PTPRR: variants seen among roughly 807,000 people sequenced by gnomAD.
The protein encoded by PTPRR is receptor-type tyrosine-protein phosphatase R.
A neutral mutation model predicts 77.2 loss-of-function variants in PTPRR; 38 were observed. The ratio of observed to expected loss-of-function variants is 0.49; its 90% CI spans 0.38 to 0.65. PTPRR has a LOEUF of 0.65. PTPRR is among the 30% of genes least tolerant of loss of function. The pLI is 0.00. For missense variants in PTPRR, 744 were observed against 799.2 expected (o/e 0.93, Z 0.83); for synonymous variants, 299 against 283.1 (o/e 1.06, Z -0.57).
chr12:70,785,069 T>A (rs1891294084), intron 2 of PTPRR, among the ~76,000 whole-genome samples: 1 of 152,164 alleles, frequency 6.6e-6, no homozygotes, highest in Non-Finnish European at 1.5e-5. Context: ...TAAGAACAGT[T>A]TTTGAATTCA....
rs926919776 is a variant in PTPRR at position 70,639,429 on chromosome 12, A to T, written c.1881-152T>A. The T allele has an allele frequency of 1.6e-5, 22 of 1,381,990 alleles. No homozygotes were observed. The African/African-American group carries it at 2.2e-4, about 14-fold the overall frequency. The allele number at this position is 1,381,990 out of a possible 1,614,324, so 85.6% of individuals were successfully genotyped here. ...TTGTTATCCCTCTTACCTGTGTCCA[A>T]ATGTCTCAACTATCAAAGTTAACAT... On this transcript the variant is annotated intron_variant, in intron 13 of 13. Transcript: ENST00000283228.
At chr12:70,917,471 C>T (rs1893792304) in intron 1 of PTPRR, among the ~76,000 whole-genome samples, 1 of 152,124 alleles carries the variant, frequency 6.6e-6, no homozygotes, top group Non-Finnish European at 1.5e-5. Flanking sequence ...ACAATAACCA[C>T]AACTTCCTTG....
intron 2 of PTPRR, among the ~76,000 whole-genome samples, chr12:70,782,902 C>A (rs964581875): frequency 7.2e-5 from 11 of 152,226 alleles, no homozygotes; most frequent in African/African-American, 2.6e-4. Flanking sequence ...GTTAGTAAGG[C>A]AGACTTGGGT....
At chr12:70,682,694 A>T (rs1302952685) in intron 10 of PTPRR, among the ~76,000 whole-genome samples, 5 of 152,144 alleles carry the variant, frequency 3.3e-5, no homozygotes, top group Admixed American at 2.0e-4. Context: ...AAACTTGAAA[A>T]ATCTTTTCTA....
At chr12:70,656,964 T>A in intron 12 of PTPRR, 147 bp from the exon 13 acceptor site, 1 of 489,908 alleles carries the variant, frequency 2.0e-6, no homozygotes, top group Non-Finnish European at 3.6e-6. Context: ...CTGTGCTAAG[T>A]GCTTAAAATA....
intron 1 of PTPRR, among the ~76,000 whole-genome samples, chr12:70,899,749 G>A (rs1164464354): frequency 1.3e-5 from 2 of 151,168 alleles, no homozygotes; most frequent in Non-Finnish European, 3.0e-5. Flanking sequence ...ACATAAAACT[G>A]TTCTATTTGC....
Position 70,920,448 on chromosome 12 carries a change from T to C in PTPRR, c.-58A>G. 1 of 1,549,578 alleles carries C rather than the reference T, an allele frequency of 6.5e-7. No individual in the cohort carries two copies. Among genetic ancestry groups the C allele is most frequent in the Non-Finnish European group, 8.9e-7 (1 of 1,129,072 alleles). ...CACCACGACCCCACTTCAGGTAAAG[T>C]GCTATTAGAAAGAGCCACCGCCAAG... On this transcript the variant is annotated 5_prime_UTR_variant, in exon 1 of 14. Coordinates refer to ENST00000283228, the MANE Select transcript of PTPRR (RefSeq NM_002849.4).
At chr12:70,880,497 G>T (rs1400028458) in intron 2 of PTPRR, among the ~76,000 whole-genome samples, 1 of 151,866 alleles carries the variant, frequency 6.6e-6, no homozygotes, top group Admixed American at 6.6e-5. Flanking sequence ...CCTGCCACAT[G>T]GTTTTGTTTT....
At chr12:70,794,862 A>T (rs1237123906) in intron 2 of PTPRR, among the ~76,000 whole-genome samples, 1 of 151,946 alleles carries the variant, frequency 6.6e-6, no homozygotes, top group Non-Finnish European at 1.5e-5. Flanking sequence ...ACCCCATAGA[A>T]GGTGACCCGG....
At chr12:70,728,361 A>C (rs117272231) in intron 6 of PTPRR, among the ~76,000 whole-genome samples, 14,983 of 143,492 alleles carry the variant, frequency 0.1, 1,080 homozygotes, top group Non-Finnish European at 0.15. Flanking sequence ...CTGAAAAAAA[A>C]ACAAAAAATC....
intron 2 of PTPRR, among the ~76,000 whole-genome samples, chr12:70,769,854 C>T (rs995674762): frequency 8.6e-5 from 13 of 151,934 alleles, no homozygotes; most frequent in African/African-American, 2.9e-4. Flanking sequence ...GAAATAACGC[C>T]GCATATCTAC....
At position 70,754,810 on chromosome 12, in the gene PTPRR, A is replaced by G. The variant is rs1890520431; in HGVS notation, c.628-509T>C. The G allele has an allele frequency of 2.2e-6, 3 of 1,384,116 alleles. No individual in the cohort carries two copies. In the Admixed American group the frequency reaches 8.0e-5, roughly 37 times the overall value. The allele number at this position is 1,384,116 out of a possible 1,614,324, so 85.7% of individuals were successfully genotyped here. A position where few individuals can be genotyped will look rare whatever the true frequency, so the allele number is the denominator to read the frequency against. Reference sequence around the variant, plus strand: ...TTATTTCCTTCTTTCTTTTAATCACATCTTTTTTTTTTTTCAAATAGAGTC... The same window carrying G: ...TTATTTCCTTCTTTCTTTTAATCACGTCTTTTTTTTTTTTCAAATAGAGTC... On this transcript the variant is annotated intron_variant, in intron 4 of 13. Transcript: ENST00000283228.
intron 4 of PTPRR, among the ~76,000 whole-genome samples, chr12:70,759,819 G>C (rs962372596): frequency 1.3e-5 from 2 of 151,546 alleles, no homozygotes; most frequent in African/African-American, 4.8e-5. Flanking sequence ...AACTAGGAAA[G>C]TGTTGTTCAA....
At chr12:70,879,197 C>T (rs960066459) in intron 2 of PTPRR, among the ~76,000 whole-genome samples, 1 of 152,010 alleles carries the variant, frequency 6.6e-6, no homozygotes, top group Non-Finnish European at 1.5e-5. Context: ...CACATGTATA[C>T]ATATGTAACA....
intron 6 of PTPRR, among the ~76,000 whole-genome samples, chr12:70,739,521 A>G (rs1451322970): frequency 2.0e-5 from 3 of 152,210 alleles, no homozygotes; most frequent in East Asian, 3.9e-4. Context: ...AATTAACTCC[A>G]TAATATTTTT....
intron 10 of PTPRR, among the ~76,000 whole-genome samples, chr12:70,673,764 C>A (rs146115837): frequency 3.3e-5 from 5 of 152,058 alleles, no homozygotes; most frequent in African/African-American, 9.7e-5. Context: ...CTCAGATCTA[C>A]GAAATGGTGC....
chr12:70,656,859 G>T, intron 12 of PTPRR, 42 bp from the exon 13 acceptor site: 1 of 1,330,590 alleles, frequency 7.5e-7, no homozygotes, highest in Middle Eastern at 1.8e-4. Flanking sequence ...GGGGGAAAAT[G>T]ACAAAGATAA....
chr12:70,734,864 T>C (rs1889807215), intron 6 of PTPRR, among the ~76,000 whole-genome samples: 1 of 152,164 alleles, frequency 6.6e-6, no homozygotes, highest in Non-Finnish European at 1.5e-5. Flanking sequence ...TTTTAATTCT[T>C]AAATAATATA....
At chr12:70,746,909 CT>C (rs147239858) in intron 5 of PTPRR, among the ~76,000 whole-genome samples, 3,468 of 151,832 alleles carry the variant, frequency 0.023, 137 homozygotes, top group African/African-American at 0.079. Flanking sequence ...AATCTGGAAA[CT>C]TTTATACTGG....
Sources: gnomAD v4.1 joint callset for allele counts (sites outside exome capture counted in the v4.1 genomes callset) on GRCh38, gnomAD v4.1.1 for gene constraint, MANE v1.5 for transcripts, NCBI Gene and HGNC (gene_info 2026-07-23, HGNC 2026-07-21) for gene names.